Variants in MYZAP observed in about 807,000 individuals in gnomAD.
The protein encoded by MYZAP is myocardial zonula adherens protein.
In MYZAP, 66 loss-of-function variants were observed where a neutral mutation model predicts 69.4. The ratio of observed to expected loss-of-function variants is 0.95; its 90% CI spans 0.78 to 1.17. The LOEUF is 1.17. Among genes scored for constraint, MYZAP ranks in the 50% most tolerant of loss-of-function variants. The pLI, the probability that MYZAP is intolerant of heterozygous loss-of-function variation, is 0.00. For synonymous variants in MYZAP, 256 were observed against 205.9 expected (o/e 1.24, Z -2.09); for missense variants, 611 against 556.2 (o/e 1.10, Z -0.99).
chr15:57,646,012 A>T, intron 10 of MYZAP: 1 of 419,544 alleles, frequency 2.4e-6, no homozygotes, highest in Non-Finnish European at 4.3e-6. Context: ...ACATTTTACT[A>T]AATGCCCTGT....
chr15:57,623,044 A>G (rs751430363), intron 4 of MYZAP, among the ~76,000 whole-genome samples: 21 of 152,248 alleles, frequency 1.4e-4, no homozygotes, highest in Non-Finnish European at 2.1e-4. Context: ...CAGGTAATGT[A>G]TACTAAAGGA....
intron 10 of MYZAP, among the ~76,000 whole-genome samples, chr15:57,640,910 T>C (rs1250226858): frequency 6.6e-6 from 1 of 152,254 alleles, no homozygotes; most frequent in Non-Finnish European, 1.5e-5. Context: ...AGGGAGATCC[T>C]GCCCTATCGT....
At chr15:57,660,010 A>G (rs2038202848) in intron 10 of MYZAP, among the ~76,000 whole-genome samples, 8 of 152,196 alleles carry the variant, frequency 5.3e-5, no homozygotes, top group Admixed American at 4.6e-4. Context: ...CAAAGCGAGT[A>G]TACTGTCTAC....
chr15:57,677,489 T>C (rs2039200803), intron 12 of MYZAP, among the ~76,000 whole-genome samples: 1 of 152,210 alleles, frequency 6.6e-6, no homozygotes, highest in African/African-American at 2.4e-5. Context: ...TGAAAATATG[T>C]AATAAATAGA....
In MYZAP at chr15:57,632,445, C is replaced by T. The variant is rs750010688; in HGVS notation, c.690C>T (p.Ser230=). ...NQLLKMKVES[S]QEANAEVMRE... ...GAGTCTCGTTGTAGGTGGAATCGTC[C>T]CAAGAAGCCAATGCTGAGGTGATGC... The change falls in exon 7 of 13, where the codon TCC becomes TCT. Residue 230 remains serine, a synonymous_variant. Coordinates refer to ENST00000267853, the MANE Select transcript of MYZAP (RefSeq NM_001018100.5). 6.2e-7 allele frequency: 1 copy of T among 1,614,108 alleles called. No homozygotes were observed. Among genetic ancestry groups the T allele is most frequent in the South Asian group, 1.1e-5 (1 of 91,062 alleles).
chr15:57,670,146 T>C (rs1382961299), intron 11 of MYZAP, among the ~76,000 whole-genome samples: 1 of 152,110 alleles, frequency 6.6e-6, no homozygotes, highest in Non-Finnish European at 1.5e-5. Flanking sequence ...ATTGTTTAGA[T>C]AACTGACATT....
chr15:57,681,510 G>A (rs1427677002), intron 12 of MYZAP, among the ~76,000 whole-genome samples: 10 of 152,310 alleles, frequency 6.6e-5, no homozygotes, highest in African/African-American at 1.9e-4. Context: ...GAGGCTTGGC[G>A]TGGTGGCTCA....
intron 2 of MYZAP, among the ~76,000 whole-genome samples, chr15:57,611,778 GA>G (rs2035120569): frequency 6.6e-6 from 1 of 152,010 alleles, no homozygotes; most frequent in African/African-American, 2.4e-5. Flanking sequence ...ATCCAGGCTG[GA>G]AAGCAGTGGC....
intron 1 of MYZAP, among the ~76,000 whole-genome samples, chr15:57,597,894 G>A (rs2034164828): frequency 6.6e-6 from 1 of 152,162 alleles, no homozygotes; most frequent in African/African-American, 2.4e-5. Context: ...AGCAGAGAGT[G>A]TGGGGTCTGT....
chr15:57,643,119 G>T (rs1278804411), intron 10 of MYZAP, among the ~76,000 whole-genome samples: 2 of 152,006 alleles, frequency 1.3e-5, no homozygotes, highest in African/African-American at 4.8e-5. Flanking sequence ...AGAGAACAAA[G>T]CCAAAAAAGC....
At chr15:57,625,080 G>A (rs2036047778) in intron 4 of MYZAP, among the ~76,000 whole-genome samples, 1 of 150,932 alleles carries the variant, frequency 6.6e-6, no homozygotes, top group South Asian at 2.1e-4. Context: ...TAAATGAGAC[G>A]GAGTTTCGCT....
At chr15:57,612,360 T>G (rs1318682566) in intron 2 of MYZAP, among the ~76,000 whole-genome samples, 2 of 152,166 alleles carry the variant, frequency 1.3e-5, no homozygotes, top group Non-Finnish European at 2.9e-5. Context: ...TATTGTCAGT[T>G]TGATGCATGT....
At position 57,636,557 on chromosome 15, in the gene MYZAP, A is replaced by G. The variant is rs186250131; in HGVS notation, c.934-1138A>G. ...ATTTCCGAACATAAAGATGAGGAAC[A>G]TTAGTTCTTAGAGAAGGACCTAAAG... is the stretch of plus-strand genomic sequence containing the variant. On this transcript the variant is annotated intron_variant, in intron 8 of 12. Coordinates refer to ENST00000267853, the MANE Select transcript of MYZAP (RefSeq NM_001018100.5). Among the ~76,000 whole-genome samples, 1,161 of 152,350 alleles carry G rather than the reference A, an allele frequency of 7.6e-3. 10 individuals are homozygous for G. The highest frequency in any genetic ancestry group is 0.049 in the South Asian group (237 of 4,828).
chr15:57,661,248 C>T lies in MYZAP; in HGVS notation c.1120-202C>T, dbSNP rs147497641. Among the ~76,000 whole-genome samples, 728 of 152,212 alleles carry T rather than the reference C, an allele frequency of 4.8e-3. 3 individuals carry two copies. Among genetic ancestry groups the T allele is most frequent in the Non-Finnish European group, 6.8e-3 (464 of 68,012 alleles). On this transcript the variant is annotated intron_variant, in intron 10 of 12. Coordinates refer to ENST00000267853, the MANE Select transcript of MYZAP (RefSeq NM_001018100.5). ...ACAATCCGCCTGTCTTGGAGCGTCT[C>T]GCGTTAATACTGTTCCACGAAACAC...
chr15:57,630,921 TG>T (rs1454909927), intron 6 of MYZAP, among the ~76,000 whole-genome samples: 2 of 152,066 alleles, frequency 1.3e-5, no homozygotes, highest in Non-Finnish European at 2.9e-5. Flanking sequence ...CTGGGAAGTG[TG>T]GGCCCCTTCA....
In MYZAP at chr15:57,599,730, C is replaced by T. The variant is rs1371710433; in HGVS notation, c.76-4539C>T. 25 of 1,285,024 alleles carry T rather than the reference C, an allele frequency of 1.9e-5. No individual in the cohort carries two copies. In the Middle Eastern group the frequency reaches 6.4e-4, roughly 33 times the overall value. 79.6% of individuals were successfully genotyped at this position (1,285,024 alleles called of 1,614,324 possible). A position where few individuals can be genotyped will look rare whatever the true frequency, so the allele number is the denominator to read the frequency against. Reference sequence around the variant, plus strand: ...TAAGGAATGCTGCCTTGATGTTACTCGGGGAGATTTTCCCATGGGGAGATT... The same window carrying T: ...TAAGGAATGCTGCCTTGATGTTACTTGGGGAGATTTTCCCATGGGGAGATT... On this transcript the variant is annotated intron_variant, in intron 1 of 12. Coordinates refer to ENST00000267853, the MANE Select transcript of MYZAP (RefSeq NM_001018100.5).
intron 3 of MYZAP, 107 bp from the exon 4 acceptor site, chr15:57,621,501 C>G: frequency 1.5e-6 from 2 of 1,296,590 alleles, no homozygotes; most frequent in Non-Finnish European, 2.1e-6. Context: ...CTTGAGCCAC[C>G]GCACCTGGCC....
chr15:57,646,945 G>A, intron 10 of MYZAP: 1 of 985,428 alleles, frequency 1.0e-6, no homozygotes, highest in African/African-American at 1.7e-5. Flanking sequence ...GCAGGCATTG[G>A]TGTTTTATCA....
intron 3 of MYZAP, among the ~76,000 whole-genome samples, chr15:57,620,106 A>G (rs1449909130): frequency 2.0e-5 from 3 of 152,166 alleles, no homozygotes; most frequent in African/African-American, 4.8e-5. Context: ...CACACATGAA[A>G]GCCGTTCTGC....
Sources: gnomAD v4.1 joint callset for allele counts (sites outside exome capture counted in the v4.1 genomes callset) on GRCh38, gnomAD v4.1.1 for gene constraint, MANE v1.5 for transcripts, NCBI Gene and HGNC (gene_info 2026-07-23, HGNC 2026-07-21) for gene names.